FMN1: variants seen among roughly 807,000 people sequenced by gnomAD.
FMN1 encodes the protein formin 1, also known as formin-1.
FMN1 carries 110 observed loss-of-function variants against 132.4 expected under a neutral mutation model. The ratio of observed to expected loss-of-function variants is 0.83; its 90% CI spans 0.71 to 0.97. The LOEUF (loss-of-function observed/expected upper bound fraction) is 0.97. Ranked by LOEUF, FMN1 falls within the 50% of genes least tolerant of loss-of-function variation. The probability of loss-of-function intolerance (pLI) is 0.00; values close to 1 mark genes in which losing one functional copy is unlikely to be tolerated. For missense variants in FMN1, 1,792 were observed against 1,705.3 expected (o/e 1.05, Z -0.90); for synonymous variants, 722 against 651.7 (o/e 1.11, Z -1.64).
intron 16 of FMN1, among the ~76,000 whole-genome samples, chr15:32,879,224 AATCAT>A (rs1332178812): frequency 1.3e-5 from 2 of 152,192 alleles, no homozygotes; most frequent in Non-Finnish European, 2.9e-5. Context: ...TACAAAAATA[AATCAT>A]ATCAAAGTTT....
intron 4 of FMN1, among the ~76,000 whole-genome samples, chr15:33,095,410 T>A (rs1351189427): frequency 6.6e-6 from 1 of 152,146 alleles, no homozygotes; most frequent in Non-Finnish European, 1.5e-5. Flanking sequence ...GTATATATAT[T>A]TTTGAGATGG....
At chr15:32,778,740 C>G (rs2056571581) in intron 19 of FMN1, among the ~76,000 whole-genome samples, 1 of 152,126 alleles carries the variant, frequency 6.6e-6, no homozygotes. Context: ...CTTTGGAAAA[C>G]AGTTTGGCCG....
intron 19 of FMN1, among the ~76,000 whole-genome samples, chr15:32,777,345 T>A (rs75499970): frequency 6.6e-6 from 1 of 151,816 alleles, no homozygotes; most frequent in East Asian, 1.9e-4. Flanking sequence ...TAAGATGTGA[T>A]AACCTATAGA....
chr15:33,053,310 C>G (rs1036269862), intron 6 of FMN1, among the ~76,000 whole-genome samples: 10 of 152,166 alleles, frequency 6.6e-5, no homozygotes, highest in Admixed American at 3.9e-4. Context: ...GGCACCCCTG[C>G]CTGGGCATTG....
chr15:33,091,287 A>G (rs750129949), intron 4 of FMN1, among the ~76,000 whole-genome samples: 2 of 152,182 alleles, frequency 1.3e-5, no homozygotes, highest in Admixed American at 6.5e-5. Flanking sequence ...ACATGCATGC[A>G]TATTTATGCA....
At chr15:33,118,258 G>A (rs1057112544) in intron 4 of FMN1, among the ~76,000 whole-genome samples, 1 of 152,142 alleles carries the variant, frequency 6.6e-6, no homozygotes, top group Non-Finnish European at 1.5e-5. Context: ...TATCGTAAGA[G>A]ATTTTCTCAT....
At chr15:32,810,696 TAAAG>T (rs2057846064) in intron 17 of FMN1, among the ~76,000 whole-genome samples, 3 of 152,200 alleles carry the variant, frequency 2.0e-5, no homozygotes. Flanking sequence ...GGCCACTCTT[TAAAG>T]AAAGTGGGGC....
At chr15:32,961,895 C>T (rs888833677) in intron 9 of FMN1, among the ~76,000 whole-genome samples, 5 of 152,114 alleles carry the variant, frequency 3.3e-5, no homozygotes, top group African/African-American at 7.2e-5. Flanking sequence ...AACTCATTCT[C>T]TTACAGAAAG....
At chr15:32,864,207 T>A (rs1021286756) in intron 16 of FMN1, among the ~76,000 whole-genome samples, 1 of 152,204 alleles carries the variant, frequency 6.6e-6, no homozygotes, top group African/African-American at 2.4e-5. Flanking sequence ...CAATAAAAAG[T>A]ACCTATTTCA....
intron 17 of FMN1, among the ~76,000 whole-genome samples, chr15:32,835,144 C>T (rs1034706592): frequency 1.3e-5 from 2 of 152,072 alleles, no homozygotes; most frequent in South Asian, 2.1e-4. Flanking sequence ...TGAGGAAGAG[C>T]TGGAGGAGAG....
Position 32,849,991 on chromosome 15 carries a change from C to T in FMN1, c.3928+7024G>A, listed in dbSNP as rs117191324. ...TCTTCATCTTCCAAGGATTACTGTT[C>T]TGTTACTTAAGTGATCCGGAAGTCA... On this transcript the variant is annotated intron_variant, in intron 17 of 20. Coordinates refer to ENST00000616417, the MANE Select transcript of FMN1 (RefSeq NM_001277313.2). Among the ~76,000 whole-genome samples the T allele has an allele frequency of 1.0e-3, 152 of 152,328 alleles. 1 individual carries two copies. Among genetic ancestry groups the T allele is most frequent in the Non-Finnish European group, 1.5e-3 (105 of 68,038 alleles).
At chr15:33,091,434 GGTTTTA>G (rs1336446708) in intron 4 of FMN1, among the ~76,000 whole-genome samples, 1 of 152,114 alleles carries the variant, frequency 6.6e-6, no homozygotes, top group African/African-American at 2.4e-5. Flanking sequence ...TTCTGGAAAT[GGTTTTA>G]GTTTTAAAGA....
At chr15:33,005,108 G>A (rs1461893930) in intron 7 of FMN1, among the ~76,000 whole-genome samples, 2 of 151,938 alleles carry the variant, frequency 1.3e-5, no homozygotes, top group African/African-American at 2.4e-5. Context: ...GTTAATGAGT[G>A]CAGCACAACA....
At chr15:33,119,361 T>G (rs778005503) in intron 4 of FMN1, among the ~76,000 whole-genome samples, 7 of 151,994 alleles carry the variant, frequency 4.6e-5, no homozygotes, top group African/African-American at 7.2e-5. Flanking sequence ...TGCCAAAGGG[T>G]GGGGAGCCTG....
chr15:33,132,032 C>T (rs985765567), intron 4 of FMN1, among the ~76,000 whole-genome samples: 3 of 152,102 alleles, frequency 2.0e-5, no homozygotes, highest in African/African-American at 7.2e-5. Context: ...TTCCTTTCCA[C>T]CTGGGGCAAT....
intron 5 of FMN1, chr15:33,067,335 G>T (rs1475922539): frequency 6.2e-7 from 1 of 1,613,910 alleles, no homozygotes; most frequent in South Asian, 1.1e-5. Context: ...AAACCTCCTG[G>T]GTTTTCTTTG....
chr15:33,030,493 C>T (rs909838227), intron 6 of FMN1, among the ~76,000 whole-genome samples: 4 of 152,194 alleles, frequency 2.6e-5, no homozygotes, highest in Admixed American at 2.0e-4. Context: ...CAAGGATAAG[C>T]GGCTTGCAAT....
intron 7 of FMN1, among the ~76,000 whole-genome samples, chr15:32,999,363 T>C (rs997798209): frequency 6.6e-6 from 1 of 152,240 alleles, no homozygotes; most frequent in Non-Finnish European, 1.5e-5. Context: ...CTCAATTCTG[T>C]TTCAACAGCA....
intron 6 of FMN1, among the ~76,000 whole-genome samples, chr15:33,043,058 T>A (rs1182013986): frequency 1.3e-5 from 2 of 152,222 alleles, no homozygotes; most frequent in Admixed American, 1.3e-4. Context: ...TTTTTCAGGT[T>A]TACAATGGTG....
Sources: allele counts gnomAD v4.1 joint callset (sites outside exome capture counted in the v4.1 genomes callset), GRCh38; gene constraint gnomAD v4.1.1; transcripts MANE v1.5; gene names NCBI Gene and HGNC (gene_info 2026-07-23, HGNC 2026-07-21).